GRIA2: variants seen among roughly 807,000 people sequenced by gnomAD.
GRIA2 encodes the protein glutamate ionotropic receptor AMPA type subunit 2.
In GRIA2, 14 loss-of-function variants were observed where a neutral mutation model predicts 97.3. The ratio of observed to expected loss-of-function variants is 0.14; its 90% CI spans 0.10 to 0.23. The LOEUF is 0.23. Among genes scored for constraint, GRIA2 ranks in the 10% least tolerant of loss-of-function variants. The pLI, the probability that GRIA2 is intolerant of heterozygous loss-of-function variation, is 1.00. For synonymous variants in GRIA2, 412 were observed against 387.8 expected (o/e 1.06, Z -0.73); for missense variants, 558 against 1,069.8 (o/e 0.52, Z 6.67).
chr4:157,256,479 A>G (rs1446613516), intron 2 of GRIA2, among the ~76,000 whole-genome samples: 2 of 151,068 alleles, frequency 1.3e-5, no homozygotes, highest in Admixed American at 1.3e-4. Context: ...TATTAATTGA[A>G]GTGTATTTTT....
chr4:157,328,076 G>C (rs917240987), intron 6 of GRIA2, among the ~76,000 whole-genome samples: 1 of 151,906 alleles, frequency 6.6e-6, no homozygotes, highest in African/African-American at 2.4e-5. Context: ...GTAAATGACT[G>C]AAATAAACTT....
At chr4:157,246,327 A>G (rs1005339804) in intron 2 of GRIA2, among the ~76,000 whole-genome samples, 1 of 152,062 alleles carries the variant, frequency 6.6e-6, no homozygotes, top group East Asian at 1.9e-4. Context: ...GTCTCTATGA[A>G]AACATTTAAT....
In GRIA2 at chr4:157,362,948, A is replaced by G; in HGVS notation, c.2556A>G (p.Ala852=). 1 of 1,613,652 alleles carries G rather than the reference A, an allele frequency of 6.2e-7. No homozygotes were observed. Among genetic ancestry groups the G allele is most frequent in the Non-Finnish European group, 8.5e-7 (1 of 1,179,670 alleles). ...AACGAATGAAGGTGGCAAAGAATGC[A>G]CAGAATATTAACCCATCTTCCTCGC... ...EAKRMKVAKN[A]QNINPSSSQN... Residue 852 remains alanine, a synonymous_variant, in exon 15 of 16, where the codon GCA becomes GCG. Coordinates refer to ENST00000264426, the MANE Select transcript of GRIA2 (RefSeq NM_001083619.3).
intron 12 of GRIA2, chr4:157,342,481 C>T: frequency 2.0e-6 from 2 of 981,914 alleles, no homozygotes; most frequent in Non-Finnish European, 2.4e-6. Context: ...TTAGGTACCT[C>T]AATATAAGTG....
intron 10 of GRIA2, 68 bp downstream of exon 10, chr4:157,335,945 C>T: frequency 1.0e-6 from 1 of 977,398 alleles, no homozygotes; most frequent in East Asian, 2.6e-5. Flanking sequence ...TGCTTCCTCT[C>T]CCTGTGAAGT....
Position 157,312,694 on chromosome 4 carries a change from A to G in GRIA2, c.485A>G (p.Gln162Arg). 1 of 1,602,712 alleles carries G rather than the reference A, an allele frequency of 6.2e-7. No homozygotes were observed. Residue 162 changes from glutamine (Q) to arginine (R), a missense_variant, in exon 4 of 16, where the codon CAA (glutamine) becomes CGA (arginine). Coordinates refer to ENST00000264426, the MANE Select transcript of GRIA2 (RefSeq NM_001083619.3). ...YDSDRGLSTL[Q>R]AVLDSAAEKK... is the part of the protein sequence containing the mutation. ...GCCTTCCTAGGCTTATCAACACTGC[A>G]AGCTGTGCTGGATTCTGCTGCTGAA... is the stretch of plus-strand genomic sequence containing the variant.
At chr4:157,292,916 T>C (rs1255413998) in intron 2 of GRIA2, among the ~76,000 whole-genome samples, 1 of 152,124 alleles carries the variant, frequency 6.6e-6, no homozygotes. Context: ...GGCTTTACAG[T>C]ATAACAAATT....
At position 157,360,009 on chromosome 4, in the gene GRIA2, G is replaced by C; in HGVS notation, c.2157G>C (p.Gly719=). The change falls in exon 13 of 16, where the codon GGG becomes GGC. Residue 719 remains glycine (G), a synonymous_variant. Coordinates refer to ENST00000264426, the MANE Select transcript of GRIA2 (RefSeq NM_001083619.3). The part of the protein sequence containing the change: ...EGVARVRKSK[G]KYAYLLESTM... ...TGGCTAGAGTGCGGAAGTCCAAAGG[G>C]AAATATGCCTACTTGTTGGAGTCCA... 1 of 1,613,964 alleles carries C rather than the reference G, an allele frequency of 6.2e-7. No individual in the cohort carries two copies. Among genetic ancestry groups the C allele is most frequent in the Non-Finnish European group, 8.5e-7 (1 of 1,179,930 alleles).
chr4:157,335,293 C>T, intron 9 of GRIA2: 1 of 240,710 alleles, frequency 4.2e-6, no homozygotes, highest in Non-Finnish European at 8.3e-6. Context: ...TTGGGATTGG[C>T]CTAACCTTAA....
chr4:157,232,369 A>T (rs1730058203), intron 2 of GRIA2, among the ~76,000 whole-genome samples: 1 of 152,178 alleles, frequency 6.6e-6, no homozygotes, highest in South Asian at 2.1e-4. Flanking sequence ...CTTGAGAAGT[A>T]CATTTCAAAT....
chr4:157,237,734 A>T (rs541887790), intron 2 of GRIA2, among the ~76,000 whole-genome samples: 1 of 152,282 alleles, frequency 6.6e-6, no homozygotes, highest in East Asian at 1.9e-4. Flanking sequence ...TTGTTATCAT[A>T]AATTGTGCTT....
chr4:157,288,158 A>G (rs928012848), intron 2 of GRIA2, among the ~76,000 whole-genome samples: 1 of 151,658 alleles, frequency 6.6e-6, no homozygotes, highest in Admixed American at 6.6e-5. Flanking sequence ...CAGAATCACA[A>G]ATTCTTGTAC....
At chr4:157,255,408 T>C (rs538941683) in intron 2 of GRIA2, among the ~76,000 whole-genome samples, 1 of 152,052 alleles carries the variant, frequency 6.6e-6, no homozygotes, top group Non-Finnish European at 1.5e-5. Context: ...TTATTTTCCT[T>C]TGGGTATATG....
intron 14 of GRIA2, among the ~76,000 whole-genome samples, chr4:157,362,181 G>T (rs1048048384): frequency 1.3e-5 from 2 of 152,044 alleles, no homozygotes; most frequent in East Asian, 1.9e-4. Context: ...GATCAAAAAT[G>T]GTACACTGCA....
intron 12 of GRIA2, among the ~76,000 whole-genome samples, chr4:157,346,683 T>G (rs1364240510): frequency 2.0e-5 from 3 of 152,086 alleles, no homozygotes; most frequent in Non-Finnish European, 4.4e-5. Flanking sequence ...TGTGAATAAA[T>G]AAGGAAAAAA....
intron 2 of GRIA2, among the ~76,000 whole-genome samples, chr4:157,252,919 C>A (rs375154341): frequency 2.9e-4 from 44 of 151,888 alleles, no homozygotes; most frequent in African/African-American, 9.2e-4. Context: ...TAATTTAAAT[C>A]CAACAAAGCA....
At chr4:157,299,102 A>G (rs1733497335) in intron 2 of GRIA2, among the ~76,000 whole-genome samples, 1 of 152,156 alleles carries the variant, frequency 6.6e-6, no homozygotes, top group Non-Finnish European at 1.5e-5. Flanking sequence ...AAGAATTAGA[A>G]GAGAGCAAGA....
At chr4:157,304,551 T>C (rs1474122320) in intron 3 of GRIA2, among the ~76,000 whole-genome samples, 1 of 152,184 alleles carries the variant, frequency 6.6e-6, no homozygotes, top group Non-Finnish European at 1.5e-5. Context: ...AGTGGGTTTG[T>C]GTACTCCCTA....
rs542753265 is a variant in GRIA2 at position 157,363,878 on chromosome 4, A to G, written c.*447A>G. ...CAACAAACCTGTTTCTGCAGCCACTATTGTTAGTCTCTTGATTCATAATGA... is the reference window on the plus strand; with the variant it reads ...CAACAAACCTGTTTCTGCAGCCACTGTTGTTAGTCTCTTGATTCATAATGA... On this transcript the variant is annotated 3_prime_UTR_variant, in exon 16 of 16. Coordinates refer to ENST00000264426, the MANE Select transcript of GRIA2 (RefSeq NM_001083619.3). 5 of 248,256 alleles carry G rather than the reference A, an allele frequency of 2.0e-5. No homozygotes were observed. The highest frequency in any genetic ancestry group is 7.5e-5 in the East Asian group (1 of 13,256). The allele number at this position is 248,256 out of a possible 1,614,324, so 15.4% of individuals were successfully genotyped here.
Sources: gnomAD v4.1 joint callset for allele counts (sites outside exome capture counted in the v4.1 genomes callset) on GRCh38, gnomAD v4.1.1 for gene constraint, MANE v1.5 for transcripts, NCBI Gene and HGNC (gene_info 2026-07-23, HGNC 2026-07-21) for gene names.